Variants in DENND1B observed in about 807,000 individuals in gnomAD.
DENND1B encodes the protein DENN domain containing 1B.
Under a neutral mutation model 90.1 loss-of-function variants are expected in DENND1B, and 59 were observed. The ratio of observed to expected loss-of-function variants is 0.65; its 90% CI spans 0.53 to 0.81. DENND1B has a LOEUF of 0.81. Among genes scored for constraint, DENND1B ranks in the 40% least tolerant of loss-of-function variants. The pLI, the probability that DENND1B is intolerant of heterozygous loss-of-function variation, is 0.00. For missense variants in DENND1B, 862 were observed against 912.6 expected (o/e 0.94, Z 0.71); for synonymous variants, 337 against 324.6 (o/e 1.04, Z -0.41).
At chr1:197,759,346 TTAAAAG>T (rs1295626396) in intron 2 of DENND1B, among the ~76,000 whole-genome samples, 1 of 150,462 alleles carries the variant, frequency 6.6e-6, no homozygotes, top group Non-Finnish European at 1.5e-5. Flanking sequence ...CAAAATACAA[TTAAAAG>T]TAAAATTAGG....
chr1:197,693,672 A>G (rs1658139119), intron 3 of DENND1B, among the ~76,000 whole-genome samples: 1 of 151,616 alleles, frequency 6.6e-6, no homozygotes, highest in East Asian at 1.9e-4. Flanking sequence ...GGAATGAAAG[A>G]TTTCAAATTA....
rs547184272 is a variant in DENND1B, at chr1:197,680,177, T to C, written c.127-6008A>G. 1.0e-4 allele frequency among the ~76,000 whole-genome samples: 15 copies of C among 149,344 alleles called. No individual in the cohort carries two copies. The East Asian group carries it at 2.9e-3, about 29-fold the overall frequency. On this transcript the variant is annotated intron_variant, in intron 3 of 22. Coordinates refer to ENST00000620048, the MANE Select transcript of DENND1B (RefSeq NM_001195215.2). ...GTTAACACTAGCTTTTAAGCAGAGA[T>C]TTGAATAGAAATTACCCAGCTCTAT... is the stretch of plus-strand genomic sequence containing the variant.
At chr1:197,720,577 C>T (rs547111661) in intron 2 of DENND1B, among the ~76,000 whole-genome samples, 1,669 of 151,390 alleles carry the variant, frequency 0.011, 28 homozygotes, top group African/African-American at 0.038. Context: ...TTAAAAAAAA[C>T]GGTTTAAGGA....
intron 15 of DENND1B, among the ~76,000 whole-genome samples, chr1:197,563,259 G>C (rs1672328628): frequency 6.6e-6 from 1 of 151,988 alleles, no homozygotes; most frequent in Non-Finnish European, 1.5e-5. Flanking sequence ...GACATTCATA[G>C]CTAGAGAGGA....
chr1:197,619,359 T>C (rs552375944), intron 10 of DENND1B, among the ~76,000 whole-genome samples: 3 of 151,192 alleles, frequency 2.0e-5, no homozygotes, highest in Non-Finnish European at 4.4e-5. Flanking sequence ...TCTCAGGTAC[T>C]CCTTAGTTGT....
At chr1:197,584,270 G>A (rs1051843619) in intron 14 of DENND1B, among the ~76,000 whole-genome samples, 7 of 152,138 alleles carry the variant, frequency 4.6e-5, no homozygotes, top group Non-Finnish European at 7.4e-5. Flanking sequence ...AATAATGAGA[G>A]TAACTAATTA....
intron 20 of DENND1B, among the ~76,000 whole-genome samples, chr1:197,526,113 C>G (rs374476158): frequency 6.6e-6 from 1 of 151,818 alleles, no homozygotes; most frequent in South Asian, 2.1e-4. Flanking sequence ...GATACAAATC[C>G]AGCTCAAATT....
intron 11 of DENND1B, among the ~76,000 whole-genome samples, chr1:197,613,647 G>T (rs1379452400): frequency 1.3e-5 from 2 of 150,810 alleles, no homozygotes; most frequent in African/African-American, 4.8e-5. Flanking sequence ...CAGAGAAGAA[G>T]ACATAAAATG....
At chr1:197,639,554 A>G (rs1680094974) in intron 10 of DENND1B, among the ~76,000 whole-genome samples, 1 of 152,202 alleles carries the variant, frequency 6.6e-6, no homozygotes, top group East Asian at 1.9e-4. Flanking sequence ...TAAAACTACA[A>G]TAGAATTATG....
At chr1:197,740,334 A>G (rs1260890047) in intron 2 of DENND1B, among the ~76,000 whole-genome samples, 1 of 152,134 alleles carries the variant, frequency 6.6e-6, no homozygotes, top group Non-Finnish European at 1.5e-5. Context: ...TAGAAATGTA[A>G]ACAAGGGGGA....
At chr1:197,555,827 C>T (rs1671667930) in intron 15 of DENND1B, among the ~76,000 whole-genome samples, 1 of 152,018 alleles carries the variant, frequency 6.6e-6, no homozygotes, top group Non-Finnish European at 1.5e-5. Context: ...ATAGAATTAC[C>T]ATTCGATCCA....
intron 2 of DENND1B, among the ~76,000 whole-genome samples, chr1:197,720,659 TG>T (rs1165527580): frequency 6.6e-6 from 1 of 152,178 alleles, no homozygotes; most frequent in Non-Finnish European, 1.5e-5. Context: ...TCGACACTTT[TG>T]CCATTTTTCC....
chr1:197,614,808 A>G (rs1425715510), intron 11 of DENND1B, among the ~76,000 whole-genome samples: 1 of 151,070 alleles, frequency 6.6e-6, no homozygotes, highest in African/African-American at 2.4e-5. Context: ...TAAAAAGAAG[A>G]GTCATATAGC....
intron 2 of DENND1B, among the ~76,000 whole-genome samples, chr1:197,725,243 CAT>C (rs1261988496): frequency 9.2e-5 from 14 of 152,142 alleles, no homozygotes; most frequent in Admixed American, 2.0e-4. Flanking sequence ...TAGAAAACTA[CAT>C]ACATTATTAC....
chr1:197,754,265 A>G (rs1653965510), intron 2 of DENND1B, among the ~76,000 whole-genome samples: 1 of 152,174 alleles, frequency 6.6e-6, no homozygotes, highest in African/African-American at 2.4e-5. Context: ...CGGAAAGGCA[A>G]TCTGCCAATA....
Position 197,602,367 on chromosome 1 carries a change from G to A in DENND1B, c.921+4706C>T, listed in dbSNP as rs79187361. Among the ~76,000 whole-genome samples, 53 of 151,488 alleles carry A rather than the reference G, an allele frequency of 3.5e-4. 1 individual carries two copies. The East Asian group carries it at 0.01, about 29-fold the overall frequency. ...GAGTTCTAACAATTGAAGACTGAGA[G>A]GAGAAAAAGCATGACTATACTTTTC... On this transcript the variant is annotated intron_variant, in intron 13 of 22. Transcript: ENST00000620048.
At chr1:197,687,991 C>A (rs1657432565) in intron 3 of DENND1B, among the ~76,000 whole-genome samples, 1 of 152,048 alleles carries the variant, frequency 6.6e-6, no homozygotes, top group African/African-American at 2.4e-5. Context: ...TAAAAATCAA[C>A]ATACAAAATC....
At chr1:197,585,898 T>A (rs754498023) in intron 14 of DENND1B, among the ~76,000 whole-genome samples, 1 of 152,172 alleles carries the variant, frequency 6.6e-6, no homozygotes, top group Non-Finnish European at 1.5e-5. Context: ...AAAATCAAAG[T>A]TGAATTGAAT....
At chr1:197,557,225 A>AT (rs1176522511) in intron 15 of DENND1B, among the ~76,000 whole-genome samples, 5 of 151,948 alleles carry the variant, frequency 3.3e-5, no homozygotes, top group Admixed American at 1.3e-4. Context: ...ACTAGTTATA[A>AT]TTTTTTTAAA....
Sources: allele counts gnomAD v4.1 joint callset (sites outside exome capture counted in the v4.1 genomes callset), GRCh38; gene constraint gnomAD v4.1.1; transcripts MANE v1.5; gene names NCBI Gene and HGNC (gene_info 2026-07-23, HGNC 2026-07-21).